SNPH: variants seen among roughly 807,000 people sequenced by gnomAD.
SNPH encodes syntaphilin.
Under a neutral mutation model 36.8 loss-of-function variants are expected in SNPH, and 10 were observed. That is an observed-to-expected ratio of 0.27 (90% CI 0.17 to 0.46). The LOEUF is 0.46. Among genes scored for constraint, SNPH ranks in the 20% least tolerant of loss-of-function variants. The pLI is 1.00. For missense variants in SNPH, 622 were observed against 744.0 expected (o/e 0.84, Z 1.91); for synonymous variants, 281 against 312.2 (o/e 0.90, Z 1.05).
chr20:1,296,372 A>G lies in SNPH; in HGVS notation c.133A>G (p.Met45Val), dbSNP rs2088434771. 4 of 1,603,146 alleles carry G rather than the reference A, an allele frequency of 2.5e-6. No homozygotes were observed. Among genetic ancestry groups the G allele is most frequent in the African/African-American group, 1.4e-5 (1 of 73,914 alleles). Residue 45 changes from methionine (M) to valine (V), a missense_variant, in exon 4 of 7, where the codon ATG (methionine) becomes GTG (valine). Transcript: ENST00000381867. The part of the protein sequence containing the change: ...IPPLTRTHSL[M>V]AMSLPGSRRT... Reference sequence around the variant, plus strand: ...ACCCCTTACTCGGACCCACAGCCTCATGGCCATGTCCCTGCCAGGAAGTAG... The same window carrying G: ...ACCCCTTACTCGGACCCACAGCCTCGTGGCCATGTCCCTGCCAGGAAGTAG...
At chr20:1,303,597 T>G (rs1334289872) in intron 6 of SNPH, among the ~76,000 whole-genome samples, 1 of 151,650 alleles carries the variant, frequency 6.6e-6, no homozygotes, top group Non-Finnish European at 1.5e-5. Flanking sequence ...TCCAGCTGTG[T>G]CCTGATGGGT....
At chr20:1,289,039 G>T (rs1394800180) in intron 2 of SNPH, among the ~76,000 whole-genome samples, 1 of 152,188 alleles carries the variant, frequency 6.6e-6, no homozygotes, top group Admixed American at 6.5e-5. Context: ...CATCTCCATT[G>T]TGGTATCTTA....
At chr20:1,267,338 A>C (rs977190349) in intron 2 of SNPH, among the ~76,000 whole-genome samples, 3 of 152,130 alleles carry the variant, frequency 2.0e-5, no homozygotes, top group Non-Finnish European at 2.9e-5. Context: ...GGCTGTTTGC[A>C]ACACCTACTA....
At position 1,304,896 on chromosome 20, in the gene SNPH, C is replaced by T. The variant is rs761460938; in HGVS notation, c.459C>T (p.Asp153=). The change falls in exon 7 of 7, where the codon GAC becomes GAT. Residue 153 remains aspartate (D), a synonymous_variant. Coordinates refer to ENST00000381867, the MANE Select transcript of SNPH (RefSeq NM_001318234.2). The surrounding 1 kb of genome is among the most constrained non-coding windows in gnomAD (Gnocchi z 4.3). ...CTCGCAGGGACACAGAGATTGATGA[C>T]CTGAAGACGCAGCTGTCACGCATGC... ...RLQDRDTEID[D]LKTQLSRMQE... 2 of 1,613,064 alleles carry T rather than the reference C, an allele frequency of 1.2e-6. No homozygotes were observed. Among genetic ancestry groups the T allele is most frequent in the South Asian group, 1.1e-5 (1 of 91,050 alleles).
chr20:1,279,463 A>G (rs1047882397), intron 2 of SNPH, among the ~76,000 whole-genome samples: 1 of 152,146 alleles, frequency 6.6e-6, no homozygotes, highest in Non-Finnish European at 1.5e-5. Flanking sequence ...TACATTCTGG[A>G]TATAAGTTCT....
chr20:1,282,645 C>A (rs549098613), intron 2 of SNPH, among the ~76,000 whole-genome samples: 1 of 152,196 alleles, frequency 6.6e-6, no homozygotes, highest in African/African-American at 2.4e-5. Flanking sequence ...TAAAAATTAC[C>A]CAGTTGGAGC....
chr20:1,297,018 G>C (rs2088444657), intron 4 of SNPH, 127 bp from the exon 5 acceptor site: 2 of 1,436,762 alleles, frequency 1.4e-6, no homozygotes, highest in Admixed American at 2.7e-5. Flanking sequence ...CTCTCTCCCT[G>C]CTTCTCTCCC....
chr20:1,291,285 G>A (rs1287978459), intron 2 of SNPH, among the ~76,000 whole-genome samples: 7 of 152,228 alleles, frequency 4.6e-5, no homozygotes, highest in African/African-American at 1.2e-4. Context: ...GTCGGATGGC[G>A]CCTCATGTGT....
intron 2 of SNPH, among the ~76,000 whole-genome samples, chr20:1,293,475 G>A (rs1173838195): frequency 6.6e-6 from 1 of 152,174 alleles, no homozygotes; most frequent in African/African-American, 2.4e-5. Flanking sequence ...AGGCCTGCGG[G>A]ACTCCAGGCT....
Position 1,266,720 on chromosome 20 carries a change from T to G in SNPH, c.-533T>G. On this transcript the variant is annotated 5_prime_UTR_variant, in exon 2 of 7. Coordinates refer to ENST00000381867, the MANE Select transcript of SNPH (RefSeq NM_001318234.2). This position sits in a 1 kb window ranked among gnomAD's most constrained non-coding sequence, Gnocchi z 6.0. ...GGCGCTGCGCCAAGCCGGGCCGGAG[T>G]GGTGCGAGCCGGCGGGGCTGCGGAG... is the stretch of plus-strand genomic sequence containing the variant. 1 of 1,413,948 alleles carries G rather than the reference T, an allele frequency of 7.1e-7. No homozygotes were observed. The highest frequency in any genetic ancestry group is 3.1e-5 in the East Asian group (1 of 32,764). 87.6% of individuals were successfully genotyped at this position (1,413,948 alleles called of 1,614,324 possible).
chr20:1,278,679 A>G lies in SNPH; in HGVS notation c.-493+11919A>G, dbSNP rs1425982991. ...TTGATGTTGTGTATACCAATAGTTTATTCCTTTTTTTTCTTTTTTGTTGAG... is the reference window on the plus strand; with the variant it reads ...TTGATGTTGTGTATACCAATAGTTTGTTCCTTTTTTTTCTTTTTTGTTGAG... On this transcript the variant is annotated intron_variant, in intron 2 of 6. Transcript: ENST00000381867. 2.6e-5 allele frequency among the ~76,000 whole-genome samples: 4 copies of G among 152,134 alleles called. No individual in the cohort carries two copies. In the East Asian group the frequency reaches 7.7e-4, roughly 29 times the overall value.
intron 2 of SNPH, among the ~76,000 whole-genome samples, chr20:1,293,558 G>C (rs1043908584): frequency 1.3e-5 from 2 of 152,160 alleles, no homozygotes; most frequent in African/African-American, 4.8e-5. Context: ...GGGAGGACCT[G>C]AGAGAGCACA....
chr20:1,306,068 G>C lies in SNPH; in HGVS notation c.*14G>C. ...TCCCAGCTCTGAGGGGGCCCATTCT[G>C]GCAGCGGCGCCTGCGGCCTGACCAC... On this transcript the variant is annotated 3_prime_UTR_variant, in exon 7 of 7. Transcript: ENST00000381867. The C allele has an allele frequency of 7.0e-7, 1 of 1,429,636 alleles. No individual in the cohort carries two copies. Among genetic ancestry groups the C allele is most frequent in the Non-Finnish European group, 9.1e-7 (1 of 1,095,026 alleles). 88.6% of individuals were successfully genotyped at this position (1,429,636 alleles called of 1,614,324 possible).
At chr20:1,275,995 C>T in intron 2 of SNPH, among the ~76,000 whole-genome samples, 1 of 152,196 alleles carries the variant, frequency 6.6e-6, no homozygotes, top group East Asian at 1.9e-4. Flanking sequence ...TTTCAGGGGA[C>T]CCACTTCCAA....
rs1191785725 is a variant in SNPH at position 1,294,795 on chromosome 20, T to G, written c.-492-156T>G. Among the ~76,000 whole-genome samples, 2 of 151,954 alleles carry G rather than the reference T, an allele frequency of 1.3e-5. No homozygotes were observed. Among genetic ancestry groups the G allele is most frequent in the Non-Finnish European group, 2.9e-5 (2 of 68,002 alleles). On this transcript the variant is annotated intron_variant, in intron 2 of 6. Coordinates refer to ENST00000381867, the MANE Select transcript of SNPH (RefSeq NM_001318234.2). The surrounding 1 kb of genome is among the most constrained non-coding windows in gnomAD (Gnocchi z 4.4). Reference sequence around the variant, plus strand: ...GGGGTGGTCCCCGGGCCAGAGACTCTGGGGTTTGAGATCCAGCCCCTCAGC... The same window carrying G: ...GGGGTGGTCCCCGGGCCAGAGACTCGGGGGTTTGAGATCCAGCCCCTCAGC...
At chr20:1,284,776 A>C (rs1430032525) in intron 2 of SNPH, among the ~76,000 whole-genome samples, 2 of 152,134 alleles carry the variant, frequency 1.3e-5, no homozygotes, top group African/African-American at 2.4e-5. Flanking sequence ...TGATGAGGTC[A>C]AAGAGATAAG....
At chr20:1,289,588 G>A (rs1337294945) in intron 2 of SNPH, among the ~76,000 whole-genome samples, 1 of 150,300 alleles carries the variant, frequency 6.7e-6, no homozygotes, top group Non-Finnish European at 1.5e-5. Flanking sequence ...GCTCACACCT[G>A]TAATCCCAGC....
At chr20:1,280,126 T>C (rs1225598228) in intron 2 of SNPH, among the ~76,000 whole-genome samples, 1 of 152,210 alleles carries the variant, frequency 6.6e-6, no homozygotes, top group African/African-American at 2.4e-5. Flanking sequence ...TCTGCGTTGC[T>C]CTGAGCTGTG....
intron 4 of SNPH, among the ~76,000 whole-genome samples, chr20:1,296,778 G>C (rs112836165): frequency 6.6e-6 from 1 of 152,250 alleles, no homozygotes; most frequent in East Asian, 1.9e-4. Flanking sequence ...CCCCACCCCT[G>C]TCTGCCCCAT....
Sources: allele counts gnomAD v4.1 joint callset (sites outside exome capture counted in the v4.1 genomes callset), GRCh38; gene constraint gnomAD v4.1.1; non-coding constraint Gnocchi (gnomAD v3.1); transcripts MANE v1.5; gene names NCBI Gene and HGNC (gene_info 2026-07-23, HGNC 2026-07-21).